ABCA12: variants seen among roughly 807,000 people sequenced by gnomAD.
ABCA12 encodes glucosylceramide transporter ABCA12.
A neutral mutation model predicts 293.5 loss-of-function variants in ABCA12; 156 were observed. That is an observed-to-expected ratio of 0.53 (90% confidence interval 0.47 to 0.61). ABCA12 has a LOEUF of 0.61. Ranked by LOEUF, ABCA12 falls within the 20% of genes least tolerant of loss-of-function variation. ABCA12 has a pLI of 0.00. For synonymous variants in ABCA12, 1,063 were observed against 1,108.0 expected (o/e 0.96, Z 0.81); for missense variants, 2,797 against 3,090.2 (o/e 0.91, Z 2.25).
At chr2:214,972,460 G>C (rs950241377) in intron 36 of ABCA12, among the ~76,000 whole-genome samples, 10 of 152,076 alleles carry the variant, frequency 6.6e-5, no homozygotes, top group African/African-American at 2.4e-4. Flanking sequence ...CCAGGCTGGA[G>C]TGCTATGGTG....
intron 3 of ABCA12, among the ~76,000 whole-genome samples, chr2:215,055,082 A>G (rs1365333532): frequency 6.6e-6 from 1 of 152,082 alleles, no homozygotes; most frequent in Non-Finnish European, 1.5e-5. Context: ...TAAGTTTTCT[A>G]TGTTAAATTA....
At position 215,051,427 on chromosome 2, in the gene ABCA12, A is replaced by G. The variant is rs371019944; in HGVS notation, c.507+1060T>C. On this transcript the variant is annotated intron_variant, in intron 5 of 52. Transcript: ENST00000272895. Reference sequence around the variant, plus strand: ...TTGTGCTGGCCTTTGGCTCATTTATATAACTCAGTTTATTGAAATGCCTCA... The same window carrying G: ...TTGTGCTGGCCTTTGGCTCATTTATGTAACTCAGTTTATTGAAATGCCTCA... 2.2e-4 allele frequency among the ~76,000 whole-genome samples: 33 copies of G among 152,274 alleles called. No homozygotes were observed. The South Asian group carries it at 6.4e-3, about 30-fold the overall frequency.
chr2:215,019,946 A>T (rs1700591413), intron 11 of ABCA12, 150 bp from the exon 12 acceptor site: 1 of 955,738 alleles, frequency 1.0e-6, no homozygotes, highest in African/African-American at 1.6e-5. Flanking sequence ...TAGTTTTATT[A>T]TGAAGTACTA....
chr2:214,996,589 A>G (rs994857133), intron 23 of ABCA12, among the ~76,000 whole-genome samples: 1 of 152,190 alleles, frequency 6.6e-6, no homozygotes, highest in Non-Finnish European at 1.5e-5. Flanking sequence ...TACAGTCCTG[A>G]AAACAACAGG....
intron 2 of ABCA12, among the ~76,000 whole-genome samples, chr2:215,093,103 C>T (rs1171950253): frequency 6.6e-6 from 1 of 152,182 alleles, no homozygotes; most frequent in Admixed American, 6.5e-5. Flanking sequence ...TCTCCTGTTC[C>T]TCCAACATCT....
chr2:215,013,570 T>C (rs762529524), intron 15 of ABCA12: 9 of 154,426 alleles, frequency 5.8e-5, no homozygotes, highest in Non-Finnish European at 7.3e-5. Context: ...GCCAGAATTC[T>C]AGGCATTCCC....
At chr2:214,997,115 T>C (rs1424911713) in intron 23 of ABCA12, among the ~76,000 whole-genome samples, 1 of 152,188 alleles carries the variant, frequency 6.6e-6, no homozygotes, top group Non-Finnish European at 1.5e-5. Flanking sequence ...ACACTCCTGG[T>C]TCTGTCTTCC....
intron 2 of ABCA12, among the ~76,000 whole-genome samples, chr2:215,070,300 G>T (rs1029982542): frequency 6.6e-6 from 1 of 152,002 alleles, no homozygotes; most frequent in South Asian, 2.1e-4. Flanking sequence ...ATATTTACTG[G>T]GCAGGTATTG....
chr2:215,075,963 G>A (rs1156701796), intron 2 of ABCA12, among the ~76,000 whole-genome samples: 1 of 152,138 alleles, frequency 6.6e-6, no homozygotes, highest in African/African-American at 2.4e-5. Flanking sequence ...TCGAAGTCTG[G>A]TTCCAGATCC....
intron 51 of ABCA12, among the ~76,000 whole-genome samples, chr2:214,936,532 T>C (rs1698224109): frequency 6.6e-6 from 1 of 152,226 alleles, no homozygotes; most frequent in African/African-American, 2.4e-5. Flanking sequence ...TTCTACAAAT[T>C]GCCTGTATAT....
intron 7 of ABCA12, among the ~76,000 whole-genome samples, chr2:215,040,938 T>C (rs1701087536): frequency 6.6e-6 from 1 of 152,198 alleles, no homozygotes; most frequent in South Asian, 2.1e-4. Context: ...CATACATATA[T>C]GTGTACCATG....
At chr2:214,987,449 A>C (rs1031764261) in intron 27 of ABCA12, among the ~76,000 whole-genome samples, 198 bp downstream of exon 27, 1 of 152,144 alleles carries the variant, frequency 6.6e-6, no homozygotes, top group Non-Finnish European at 1.5e-5. Flanking sequence ...CCATATGCTA[A>C]CCAACTGAGC....
intron 45 of ABCA12, among the ~76,000 whole-genome samples, chr2:214,949,375 T>TACACACACACAC (rs1186183654): frequency 6.1e-5 from 9 of 148,296 alleles, no homozygotes; most frequent in African/African-American, 2.3e-4. Flanking sequence ...TATATATATA[T>TACACACACACAC]ATACACACAC....
rs145481860 is a variant in ABCA12 at position 215,025,739 on chromosome 2, T to C, written c.1221A>G (p.Lys407=). The part of the protein sequence containing the change: ...RLLQSTIRFK[K]SFLRNGSYED... Reference sequence around the variant, plus strand: ...CATAGGAACCATTGCGAAGAAAAGATTTTTTAAATCGTATTGTGGACTGCA... The same window carrying C: ...CATAGGAACCATTGCGAAGAAAAGACTTTTTAAATCGTATTGTGGACTGCA... The change falls in exon 11 of 53, where the codon AAA becomes AAG. Residue 407 remains lysine (K), a synonymous_variant. Coordinates refer to ENST00000272895, the MANE Select transcript of ABCA12 (RefSeq NM_173076.3). The C allele has an allele frequency of 1.2e-5, 20 of 1,613,232 alleles. No homozygotes were observed. The African/African-American group carries it at 2.7e-4, about 22-fold the overall frequency.
chr2:214,937,011 T>A (rs1410588297), intron 51 of ABCA12, among the ~76,000 whole-genome samples: 1 of 152,134 alleles, frequency 6.6e-6, no homozygotes, highest in Non-Finnish European at 1.5e-5. Context: ...AATTAATTGA[T>A]GCTATTTGTT....
At chr2:215,121,031 ATT>A (rs1470911563) in intron 1 of ABCA12, among the ~76,000 whole-genome samples, 5 of 152,220 alleles carry the variant, frequency 3.3e-5, no homozygotes, top group African/African-American at 1.2e-4. Context: ...GCTAATATAT[ATT>A]GACTGCTTAG....
chr2:215,056,205 A>C (rs1251243709), intron 3 of ABCA12, among the ~76,000 whole-genome samples: 1 of 152,080 alleles, frequency 6.6e-6, no homozygotes, highest in Non-Finnish European at 1.5e-5. Context: ...AAGAAGAGGC[A>C]ATAGGAAACT....
At chr2:215,047,146 G>A (rs1338852142) in intron 6 of ABCA12, among the ~76,000 whole-genome samples, 1 of 152,132 alleles carries the variant, frequency 6.6e-6, no homozygotes, top group Non-Finnish European at 1.5e-5. Context: ...TAGGTGATGG[G>A]TTGATAGGTG....
chr2:215,121,017 A>G (rs1428938281), intron 1 of ABCA12, among the ~76,000 whole-genome samples: 4 of 152,226 alleles, frequency 2.6e-5, no homozygotes, highest in Non-Finnish European at 1.5e-5. Context: ...TCCAAATGAT[A>G]ATAGCTAATA....
Sources: allele counts gnomAD v4.1 joint callset (sites outside exome capture counted in the v4.1 genomes callset), GRCh38; gene constraint gnomAD v4.1.1; transcripts MANE v1.5; gene names NCBI Gene and HGNC (gene_info 2026-07-23, HGNC 2026-07-21).